Variants in C1orf87 observed in about 807,000 individuals in gnomAD.
C1orf87 encodes the protein uncharacterized protein C1orf87.
C1orf87 carries 58 observed loss-of-function variants against 60.5 expected under a neutral mutation model. That is an observed-to-expected ratio of 0.96 (90% confidence interval 0.78 to 1.19). The LOEUF is 1.19. Among genes scored for constraint, C1orf87 ranks in the 50% most tolerant of loss-of-function variants. The probability of loss-of-function intolerance (pLI) is 0.00; values close to 1 mark genes in which losing one functional copy is unlikely to be tolerated. For missense variants in C1orf87, 673 were observed against 638.6 expected (o/e 1.05, Z -0.58); for synonymous variants, 236 against 227.4 (o/e 1.04, Z -0.34).
intron 8 of C1orf87, among the ~76,000 whole-genome samples, chr1:60,016,265 C>T (rs1202304461): frequency 6.6e-6 from 1 of 152,158 alleles, no homozygotes; most frequent in African/African-American, 2.4e-5. Flanking sequence ...AAAACCAACT[C>T]ATGGGGTTGC....
rs35944236 is a variant in C1orf87 at position 60,001,168 on chromosome 1, TAA to T, written c.1193-14_1193-13del. The T allele has an allele frequency of 0.012, 14,976 of 1,252,782 alleles. No individual in the cohort carries two copies. The highest frequency in any genetic ancestry group is 0.035 in the East Asian group (1,244 of 35,954). 77.6% of individuals were successfully genotyped at this position (1,252,782 alleles called of 1,614,324 possible). On this transcript the variant is annotated splice_polypyrimidine_tract_variant and intron_variant, in intron 9 of 11. Coordinates refer to ENST00000371201, the MANE Select transcript of C1orf87 (RefSeq NM_152377.3). ...CTTTTCATTCTTCCCTGAACAAGAA[TAA>T]AAAAAAAAAAAGGAAGGGTTTAGCT...
intron 11 of C1orf87, among the ~76,000 whole-genome samples, chr1:59,995,025 G>A (rs564925712): frequency 6.6e-6 from 1 of 152,248 alleles, no homozygotes; most frequent in Non-Finnish European, 1.5e-5. Flanking sequence ...TGAATTTCAT[G>A]GAAACAGAGA....
At chr1:60,053,819 T>G (rs1367102009) in intron 3 of C1orf87, among the ~76,000 whole-genome samples, 1 of 152,050 alleles carries the variant, frequency 6.6e-6, no homozygotes, top group Non-Finnish European at 1.5e-5. Context: ...AAAGAAAACC[T>G]AGACAAACAT....
intron 10 of C1orf87, among the ~76,000 whole-genome samples, chr1:60,000,753 T>C (rs1157929655): frequency 1.7e-4 from 26 of 152,024 alleles, no homozygotes; most frequent in Admixed American, 1.7e-3. Context: ...TTTATTTTGA[T>C]GGCAGTTTGT....
chr1:60,033,957 A>G (rs1315197625), intron 6 of C1orf87, among the ~76,000 whole-genome samples: 1 of 152,240 alleles, frequency 6.6e-6, no homozygotes, highest in African/African-American at 2.4e-5. Flanking sequence ...ACAAAAAATA[A>G]GCAATCATAG....
At chr1:60,059,498 C>A (rs1232868365) in intron 2 of C1orf87, among the ~76,000 whole-genome samples, 1 of 152,138 alleles carries the variant, frequency 6.6e-6, no homozygotes, top group East Asian at 1.9e-4. Flanking sequence ...GCTCTTTCTG[C>A]AAACCAGCCC....
rs772063827 is a variant in C1orf87 at position 60,001,172 on chromosome 1, A to T, written c.1193-16T>A. On this transcript the variant is annotated splice_polypyrimidine_tract_variant and intron_variant, in intron 9 of 11. Coordinates refer to ENST00000371201, the MANE Select transcript of C1orf87 (RefSeq NM_152377.3). The stretch of plus-strand genomic sequence containing the variant: ...TCATTCTTCCCTGAACAAGAATAAA[A>T]AAAAAAAAAGGAAGGGTTTAGCTTG... 1.1e-5 allele frequency: 17 copies of T among 1,538,822 alleles called. No homozygotes were observed. Among genetic ancestry groups the T allele is most frequent in the Admixed American group, 2.2e-5 (1 of 46,278 alleles).
intron 8 of C1orf87, among the ~76,000 whole-genome samples, chr1:60,022,951 T>C (rs1437575815): frequency 6.6e-6 from 1 of 152,152 alleles, no homozygotes; most frequent in African/African-American, 2.4e-5. Flanking sequence ...GAATAAGATT[T>C]CTTCATGCTA....
intron 2 of C1orf87, among the ~76,000 whole-genome samples, chr1:60,071,900 G>A (rs1340843874): frequency 6.6e-6 from 1 of 152,208 alleles, no homozygotes; most frequent in Non-Finnish European, 1.5e-5. Context: ...CCTACTATAT[G>A]AAAGACAGAT....
chr1:60,007,600 G>C (rs1199200919), intron 9 of C1orf87, among the ~76,000 whole-genome samples: 2 of 151,964 alleles, frequency 1.3e-5, no homozygotes, highest in Non-Finnish European at 2.9e-5. Flanking sequence ...TCCCCCTTCT[G>C]TCTGGTAGTT....
chr1:60,024,043 T>C (rs952305193), intron 8 of C1orf87, among the ~76,000 whole-genome samples: 14 of 152,256 alleles, frequency 9.2e-5, no homozygotes, highest in Non-Finnish European at 2.1e-4. Context: ...AGTGTATTTA[T>C]AAGTGTTCTT....
chr1:60,061,132 C>A (rs1645493837), intron 2 of C1orf87, among the ~76,000 whole-genome samples: 1 of 152,030 alleles, frequency 6.6e-6, no homozygotes. Flanking sequence ...GAACGAGGAG[C>A]AATCATTATT....
chr1:60,011,931 A>G (rs1645088056), intron 8 of C1orf87, among the ~76,000 whole-genome samples: 1 of 152,080 alleles, frequency 6.6e-6, no homozygotes, highest in South Asian at 2.1e-4. Flanking sequence ...GATATGCAGG[A>G]CTGCTAGTCA....
At chr1:59,992,850 T>C (rs1644934462) in intron 11 of C1orf87, among the ~76,000 whole-genome samples, 1 of 152,236 alleles carries the variant, frequency 6.6e-6, no homozygotes, top group African/African-American at 2.4e-5. Flanking sequence ...TGTGTTCATT[T>C]TCTATTCTGT....
intron 7 of C1orf87, among the ~76,000 whole-genome samples, 162 bp from the exon 8 acceptor site, chr1:60,025,660 A>T (rs1043233229): frequency 6.6e-6 from 1 of 152,240 alleles, no homozygotes; most frequent in Admixed American, 6.5e-5. Context: ...GGTATCCTTC[A>T]GGATACCATT....
Position 60,051,213 on chromosome 1 carries a change from A to C in C1orf87, c.342+3991T>G, listed in dbSNP as rs1052009709. Among the ~76,000 whole-genome samples the C allele has an allele frequency of 2.6e-5, 4 of 152,168 alleles. No homozygotes were observed. The East Asian group carries it at 7.7e-4, about 29-fold the overall frequency. ...CTAGAATGCTAAGTCAAGGAGTTTA[A>C]ATTTTATACCAGGGAATTGGGATTT... On this transcript the variant is annotated intron_variant, in intron 3 of 11. Transcript: ENST00000371201.
intron 10 of C1orf87, among the ~76,000 whole-genome samples, chr1:59,998,438 G>T (rs1644979119): frequency 7.7e-6 from 1 of 129,774 alleles, no homozygotes; most frequent in Non-Finnish European, 1.6e-5. Context: ...TAAATTCATT[G>T]CCAGTATAAA....
chr1:59,990,552 T>C lies in C1orf87; in HGVS notation c.*121A>G. ...AAGTCCAAATCAAAAGCATCTACAA[T>C]AGCTGCATCGGCCTCCACTCTGACA... On this transcript the variant is annotated 3_prime_UTR_variant, in exon 12 of 12. Transcript: ENST00000371201. 2 of 1,195,070 alleles carry C rather than the reference T, an allele frequency of 1.7e-6. No individual in the cohort carries two copies. The highest frequency in any genetic ancestry group is 2.4e-6 in the Non-Finnish European group (2 of 846,532). The allele number at this position is 1,195,070 out of a possible 1,614,324, so 74.0% of individuals were successfully genotyped here. A position where few individuals can be genotyped will look rare whatever the true frequency, so the allele number is the denominator to read the frequency against.
chr1:59,994,981 T>A (rs1644953538), intron 11 of C1orf87, among the ~76,000 whole-genome samples: 1 of 152,196 alleles, frequency 6.6e-6, no homozygotes, highest in African/African-American at 2.4e-5. Context: ...TTCCCAGATC[T>A]GGCTGACACA....
Sources: gnomAD v4.1 joint callset for allele counts (sites outside exome capture counted in the v4.1 genomes callset) on GRCh38, gnomAD v4.1.1 for gene constraint, MANE v1.5 for transcripts, NCBI Gene and HGNC (gene_info 2026-07-23, HGNC 2026-07-21) for gene names.